Variants in PALLD observed in about 807,000 individuals in gnomAD.
PALLD encodes the protein palladin.
Under a neutral mutation model 123.5 loss-of-function variants are expected in PALLD, and 61 were observed. The observed-to-expected ratio is 0.49, with a 90% CI of 0.40 to 0.61. The LOEUF is 0.61. Ranked by LOEUF, PALLD falls within the 20% of genes least tolerant of loss-of-function variation. The probability of loss-of-function intolerance (pLI) is 0.00; values close to 1 mark genes in which losing one functional copy is unlikely to be tolerated. For missense variants in PALLD, 1,273 were observed against 1,377.0 expected (o/e 0.92, Z 1.20); for synonymous variants, 465 against 496.4 (o/e 0.94, Z 0.84).
At chr4:168,531,753 C>T (rs1355988801) in intron 2 of PALLD, among the ~76,000 whole-genome samples, 1 of 152,026 alleles carries the variant, frequency 6.6e-6, no homozygotes, top group African/African-American at 2.4e-5. Context: ...AGGTATTGGC[C>T]ACCAGGTCAA....
At chr4:168,894,786 G>A in intron 12 of PALLD, 109 bp downstream of exon 12, 2 of 1,530,756 alleles carry the variant, frequency 1.3e-6, no homozygotes, top group East Asian at 4.9e-5. Flanking sequence ...TAGAGGGCAA[G>A]TCACAGAAAA....
chr4:168,801,022 C>A (rs1465178856), intron 10 of PALLD, among the ~76,000 whole-genome samples: 1 of 152,132 alleles, frequency 6.6e-6, no homozygotes, highest in East Asian at 1.9e-4. Context: ...AGAATACAGT[C>A]AGATTCCACT....
chr4:168,925,077 C>T lies in PALLD; in HGVS notation c.3357C>T (p.Tyr1119=), dbSNP rs757791701. The T allele has an allele frequency of 8.1e-6, 13 of 1,613,870 alleles. No homozygotes were observed. The highest frequency in any genetic ancestry group is 1.7e-5 in the Admixed American group (1 of 59,996). ...IVSCTARLDV[Y]ISRH is the part of the protein sequence containing the mutation. ...CCTGTACTGCCAGGCTGGACGTTTA[C>T]AGTGAGTGCCACTTCATCTCATTTC... The change falls in exon 20 of 22, where the codon TAC becomes TAT. Residue 1119 remains tyrosine (Y), a splice_region_variant and synonymous_variant. Coordinates refer to ENST00000505667, the MANE Select transcript of PALLD (RefSeq NM_001166108.2).
chr4:168,563,691 TAA>T (rs1561251614), intron 2 of PALLD, among the ~76,000 whole-genome samples: 1 of 152,174 alleles, frequency 6.6e-6, no homozygotes, highest in African/African-American at 2.4e-5. Flanking sequence ...TAATGCATTA[TAA>T]AAAACTTTTG....
chr4:168,546,594 T>A (rs1766158906), intron 2 of PALLD, among the ~76,000 whole-genome samples: 1 of 152,080 alleles, frequency 6.6e-6, no homozygotes, highest in Non-Finnish European at 1.5e-5. Flanking sequence ...CCCTGAAAAT[T>A]CATAGACATC....
intron 10 of PALLD, among the ~76,000 whole-genome samples, chr4:168,739,306 T>A (rs1402328494): frequency 6.6e-6 from 1 of 152,158 alleles, no homozygotes; most frequent in Non-Finnish European, 1.5e-5. Flanking sequence ...CTGGATGGTA[T>A]GGTAGTTCGG....
chr4:168,546,995 T>C (rs1766199566), intron 2 of PALLD, among the ~76,000 whole-genome samples: 1 of 152,202 alleles, frequency 6.6e-6, no homozygotes, highest in South Asian at 2.1e-4. Context: ...CTTAACACCT[T>C]ATATTTTTCC....
At chr4:168,510,921 C>T (rs1762472037) in intron 1 of PALLD, among the ~76,000 whole-genome samples, 1 of 152,134 alleles carries the variant, frequency 6.6e-6, no homozygotes, top group South Asian at 2.1e-4. Context: ...TGATTATTAC[C>T]ATCTGTTGGA....
At chr4:168,612,026 G>T (rs1351369227) in intron 2 of PALLD, among the ~76,000 whole-genome samples, 3 of 152,038 alleles carry the variant, frequency 2.0e-5, no homozygotes, top group Non-Finnish European at 4.4e-5. Context: ...CAGGTGTGGT[G>T]GTACATGCCT....
chr4:168,901,755 G>T (rs1756570357), intron 14 of PALLD, among the ~76,000 whole-genome samples: 1 of 152,174 alleles, frequency 6.6e-6, no homozygotes, highest in Non-Finnish European at 1.5e-5. Context: ...CTACTCAGGA[G>T]GCTGAGGCAA....
At chr4:168,839,330 GC>G (rs1484501051) in intron 10 of PALLD, among the ~76,000 whole-genome samples, 5 of 152,040 alleles carry the variant, frequency 3.3e-5, no homozygotes, top group African/African-American at 1.2e-4. Context: ...ACCAGATGGT[GC>G]CCCTGTTGGG....
chr4:168,598,172 A>C (rs1772176977), intron 2 of PALLD: 1 of 283,752 alleles, frequency 3.5e-6, no homozygotes. Context: ...TGTATCTGTA[A>C]AACTTTGGAA....
chr4:168,746,398 AAAAAAAAAAAAAGAG>A (rs1354238225), intron 10 of PALLD, among the ~76,000 whole-genome samples: 2 of 149,044 alleles, frequency 1.3e-5, no homozygotes, highest in African/African-American at 5.0e-5. Flanking sequence ...AAAAAAAAAA[AAAAAAAAAAAAAGAG>A]GAGGGACTTC....
intron 2 of PALLD, among the ~76,000 whole-genome samples, chr4:168,616,703 C>T (rs1561308906): frequency 6.6e-6 from 1 of 152,022 alleles, no homozygotes; most frequent in Non-Finnish European, 1.5e-5. Flanking sequence ...ATTCCCAAGC[C>T]CCATCCCAAG....
intron 2 of PALLD, among the ~76,000 whole-genome samples, chr4:168,651,393 A>T (rs566838326): frequency 1.4e-4 from 22 of 152,336 alleles, no homozygotes; most frequent in Admixed American, 1.0e-3. Flanking sequence ...ACACAAAGAA[A>T]TGATAAATGT....
intron 10 of PALLD, among the ~76,000 whole-genome samples, chr4:168,751,383 G>C (rs1466029456): frequency 6.6e-6 from 1 of 152,122 alleles, no homozygotes; most frequent in African/African-American, 2.4e-5. Context: ...AATTATAAAA[G>C]CAATTAATTT....
chr4:168,898,018 GTACCATTTTTTCTAT>G (rs1231001352), intron 13 of PALLD: 1 of 150,510 alleles, frequency 6.6e-6, no homozygotes, highest in African/African-American at 2.5e-5. Context: ...ATTTTTTCTA[GTACCATTTTTTCTAT>G]TATTCTTTTA....
intron 10 of PALLD, among the ~76,000 whole-genome samples, chr4:168,788,528 T>C (rs1461086540): frequency 6.6e-6 from 1 of 152,176 alleles, no homozygotes; most frequent in Non-Finnish European, 1.5e-5. Context: ...AATCGTTCTG[T>C]GTGGTACTGT....
chr4:168,642,592 AG>A (rs1777070455), intron 2 of PALLD, among the ~76,000 whole-genome samples: 1 of 152,016 alleles, frequency 6.6e-6, no homozygotes, highest in Non-Finnish European at 1.5e-5. Flanking sequence ...AATAGAGATA[AG>A]GTTTCACCCT....
Sources: gnomAD v4.1 joint callset for allele counts (sites outside exome capture counted in the v4.1 genomes callset) on GRCh38, gnomAD v4.1.1 for gene constraint, MANE v1.5 for transcripts, NCBI Gene and HGNC (gene_info 2026-07-23, HGNC 2026-07-21) for gene names.